Variants in RC3H2 observed in about 807,000 individuals in gnomAD.
RC3H2 encodes ring finger and CCCH-type domains 2.
In RC3H2, 31 loss-of-function variants were observed where a neutral mutation model predicts 133.3. The ratio of observed to expected loss-of-function variants is 0.23; its 90% CI spans 0.17 to 0.31. The LOEUF is 0.31. Ranked by LOEUF, RC3H2 falls within the 10% of genes least tolerant of loss-of-function variation. The pLI, the probability that RC3H2 is intolerant of heterozygous loss-of-function variation, is 1.00. For synonymous variants in RC3H2, 517 were observed against 502.2 expected, an observed-to-expected ratio of 1.03 and a Z score of -0.40; for missense variants, 1,175 against 1,437.2, an observed-to-expected ratio of 0.82 and a Z score of 2.95.
rs1829894450 is a variant in RC3H2 at position 122,847,452 on chromosome 9, C to T, written c.*2175G>A. 1 of 151,930 alleles carries T rather than the reference C, an allele frequency of 6.6e-6. No individual in the cohort carries two copies. Among genetic ancestry groups the T allele is most frequent in the Non-Finnish European group, 1.5e-5 (1 of 67,946 alleles). The allele number at this position is 151,930 out of a possible 1,614,324, so 9.4% of individuals were successfully genotyped here. On this transcript the variant is annotated 3_prime_UTR_variant, in exon 21 of 21. Coordinates refer to ENST00000357244, the MANE Select transcript of RC3H2 (RefSeq NM_001100588.3). ...AAAATCTTAAAAAAAAATACATTAC[C>T]TTCAACATGGAAGATCTCACTATTA...
At chr9:122,868,613 G>A (rs534041093) in intron 9 of RC3H2, among the ~76,000 whole-genome samples, 29 of 152,028 alleles carry the variant, frequency 1.9e-4, no homozygotes, top group Non-Finnish European at 3.2e-4. Context: ...GCGGAAGGCC[G>A]CAGGGTCCTC....
In RC3H2 at chr9:122,905,146, C is replaced by A; in HGVS notation, c.-104G>T. 1 of 985,446 alleles carries A rather than the reference C, an allele frequency of 1.0e-6. No individual in the cohort carries two copies. The highest frequency in any genetic ancestry group is 1.2e-6 in the Non-Finnish European group (1 of 829,938). The allele number at this position is 985,446 out of a possible 1,614,324, so 61.0% of individuals were successfully genotyped here. On this transcript the variant is annotated 5_prime_UTR_variant, in exon 1 of 21. Transcript: ENST00000357244. ...CGGGCGGGGTCGCTAAGGGCCGCTCCCGGGAGCCCCGCGACGGCGCGGCTT... is the reference window on the plus strand; with the variant it reads ...CGGGCGGGGTCGCTAAGGGCCGCTCACGGGAGCCCCGCGACGGCGCGGCTT...
Position 122,897,401 on chromosome 9 carries a change from C to T in RC3H2, c.109G>A (p.Val37Ile), listed in dbSNP as rs1238172601. ...KPISLGCSHT[V>I]CKTCLNKLHR... ...AGTTTATTCAAGCAGGTCTTGCAAA[C>T]AGTGTGTGAACAACCTAAACTGATG... The change falls in exon 2 of 21, where the codon GTT (valine) becomes ATT (isoleucine). Residue 37 changes from valine (V) to isoleucine (I), a missense_variant. This residue lies in a region of RC3H2 where 41 missense variants were observed against 88.0 expected (regional missense o/e 0.47). Transcript: ENST00000357244. The T allele has an allele frequency of 3.1e-6, 5 of 1,614,088 alleles. No homozygotes were observed. The African/African-American group carries it at 4.0e-5, about 13-fold the overall frequency.
chr9:122,875,270 T>C, intron 9 of RC3H2: 2 of 1,550,980 alleles, frequency 1.3e-6, no homozygotes, highest in South Asian at 1.2e-5. Context: ...CTTCTCTCTA[T>C]CACAATGCTG....
At chr9:122,868,428 A>G (rs1830848653) in intron 9 of RC3H2, among the ~76,000 whole-genome samples, 1 of 151,650 alleles carries the variant, frequency 6.6e-6, no homozygotes, top group Admixed American at 6.6e-5. Context: ...GATCCTGTTG[A>G]TCTGTGACCT....
chr9:122,865,692 T>G, intron 9 of RC3H2, 35 bp from the exon 10 acceptor site: 1 of 1,576,568 alleles, frequency 6.3e-7, no homozygotes, highest in Non-Finnish European at 8.6e-7. Context: ...TGGTGAATAT[T>G]TCACTAAATC....
At position 122,869,131 on chromosome 9, in the gene RC3H2, C is replaced by T. The variant is rs1412093459; in HGVS notation, c.1326-3474G>A. Among the ~76,000 whole-genome samples the T allele has an allele frequency of 3.3e-5, 5 of 152,120 alleles. No homozygotes were observed. The East Asian group carries it at 9.7e-4, about 29-fold the overall frequency. On this transcript the variant is annotated intron_variant, in intron 9 of 20. Transcript: ENST00000357244. ...ATGTTGGCCAGGCTGGTCTCAAAATCCTGACCTCAGGTGATCTGCCCACTT... is the reference window on the plus strand; with the variant it reads ...ATGTTGGCCAGGCTGGTCTCAAAATTCTGACCTCAGGTGATCTGCCCACTT...
At chr9:122,904,831 G>A (rs1832778424) in intron 1 of RC3H2, among the ~76,000 whole-genome samples, 1 of 152,218 alleles carries the variant, frequency 6.6e-6, no homozygotes, top group Admixed American at 6.5e-5. Context: ...TTGCTTGGGT[G>A]GGTTCGTTAG....
At position 122,844,925 on chromosome 9, in the gene RC3H2, GAATT is replaced by G. The variant is rs1829837702; in HGVS notation, c.*4698_*4701del. ...TATATATTCCCCATTTCATTGTACA[GAATT>G]ATTTTAAATTATAGTTTTAAATAGA... is the stretch of plus-strand genomic sequence containing the variant. On this transcript the variant is annotated 3_prime_UTR_variant, in exon 21 of 21. Transcript: ENST00000357244. 2 of 152,150 alleles carry G rather than the reference GAATT, an allele frequency of 1.3e-5. No individual in the cohort carries two copies. Among genetic ancestry groups the G allele is most frequent in the African/African-American group, 4.8e-5 (2 of 41,416 alleles). 9.4% of individuals were successfully genotyped at this position (152,150 alleles called of 1,614,324 possible).
chr9:122,898,749 CAAAA>C (rs11433169), intron 1 of RC3H2, among the ~76,000 whole-genome samples: 1 of 134,892 alleles, frequency 7.4e-6, no homozygotes, highest in African/African-American at 2.8e-5. Flanking sequence ...AACTTAATCT[CAAAA>C]AAAAAAAAAA....
At chr9:122,896,881 C>T (rs1832440853) in intron 2 of RC3H2, among the ~76,000 whole-genome samples, 1 of 151,694 alleles carries the variant, frequency 6.6e-6, no homozygotes, top group Non-Finnish European at 1.5e-5. Flanking sequence ...AAAAAATTAG[C>T]TGGGTATGGT....
intron 20 of RC3H2, among the ~76,000 whole-genome samples, chr9:122,850,122 A>G (rs932162373): frequency 2.6e-5 from 4 of 151,826 alleles, no homozygotes; most frequent in African/African-American, 9.7e-5. Flanking sequence ...GATTACAGGC[A>G]TGTGCCACCA....
chr9:122,860,060 C>T lies in RC3H2; in HGVS notation c.1706G>A (p.Gly569Glu). ...TTGAGGCACAGAATTCAGCTCTGTT[C>T]CAACATTAGAGGGCCCAGCTGAGGT... ...AATSAGPSNVGTELNSVPQKS... is the reference protein window; with the variant it reads ...AATSAGPSNVETELNSVPQKS... Residue 569 changes from glycine to glutamate, a missense_variant, in exon 11 of 21, where the codon GGA (glycine) becomes GAA (glutamate). This residue lies in a region of RC3H2 where 490 missense variants were observed against 492.8 expected (regional missense o/e 0.99). Coordinates refer to ENST00000357244, the MANE Select transcript of RC3H2 (RefSeq NM_001100588.3). 6.2e-7 allele frequency: 1 copy of T among 1,614,080 alleles called. No homozygotes were observed. Among genetic ancestry groups the T allele is most frequent in the South Asian group, 1.1e-5 (1 of 91,074 alleles).
In RC3H2 at chr9:122,883,348, T is replaced by C; in HGVS notation, c.615A>G (p.Leu205=). The part of the protein sequence containing the change: ...AMQEEALKLV[L]LALEDGSALS... ...GGGCAGAACCATCTTCTAATGCCAG[T>C]AACACCAGCTTCAAGGCCTCTTCTT... Residue 205 remains leucine, a synonymous_variant, in exon 5 of 21, where the codon TTA becomes TTG. Transcript: ENST00000357244. The C allele has an allele frequency of 5.0e-6, 8 of 1,610,928 alleles. No homozygotes were observed. Among genetic ancestry groups the C allele is most frequent in the Non-Finnish European group, 6.8e-6 (8 of 1,178,976 alleles).
At chr9:122,872,654 T>G (rs1347039606) in intron 9 of RC3H2, among the ~76,000 whole-genome samples, 1 of 152,178 alleles carries the variant, frequency 6.6e-6, no homozygotes, top group African/African-American at 2.4e-5. Flanking sequence ...AGTGCAGTGG[T>G]GCTCACTGCA....
At chr9:122,853,348 C>G (rs1293084411) in intron 18 of RC3H2, among the ~76,000 whole-genome samples, 1 of 148,416 alleles carries the variant, frequency 6.7e-6, no homozygotes, top group Non-Finnish European at 1.5e-5. Context: ...GCCAAATCCC[C>G]CTCTGTGAGA....
At chr9:122,854,376 C>A in intron 16 of RC3H2, 110 bp from the exon 17 acceptor site, 2 of 1,196,618 alleles carry the variant, frequency 1.7e-6, no homozygotes, top group Non-Finnish European at 1.2e-6. Flanking sequence ...CTTCACTCAT[C>A]GTTCCAAATT....
intron 9 of RC3H2, among the ~76,000 whole-genome samples, chr9:122,870,145 C>G (rs1307697077): frequency 6.6e-6 from 1 of 151,968 alleles, no homozygotes; most frequent in Non-Finnish European, 1.5e-5. Context: ...GAGGCTGAGG[C>G]GAGTGGATTA....
chr9:122,894,148 A>C (rs1041891259), intron 2 of RC3H2, among the ~76,000 whole-genome samples: 2 of 151,762 alleles, frequency 1.3e-5, no homozygotes, highest in Non-Finnish European at 2.9e-5. Context: ...AGTCCCAGTT[A>C]CTCCAGAGGC....
Sources: allele counts gnomAD v4.1 joint callset (sites outside exome capture counted in the v4.1 genomes callset), GRCh38; gene constraint gnomAD v4.1.1; regional missense constraint gnomAD v4.1.1; transcripts MANE v1.5; gene names NCBI Gene and HGNC (gene_info 2026-07-23, HGNC 2026-07-21).